Variants in LAMC3 observed in about 807,000 individuals in gnomAD.
The protein encoded by LAMC3 is laminin subunit gamma 3, also known as laminin subunit gamma-3.
In LAMC3, 128 loss-of-function variants were observed where a neutral mutation model predicts 173.8. The observed-to-expected ratio is 0.74, with a 90% CI of 0.64 to 0.85. LAMC3 has a LOEUF of 0.85. Ranked by LOEUF, LAMC3 falls within the 40% of genes least tolerant of loss-of-function variation. The pLI is 0.00. For missense variants in LAMC3, 2,022 were observed against 2,156.0 expected, an observed-to-expected ratio of 0.94 and a Z score of 1.23; for synonymous variants, 897 against 909.1, an observed-to-expected ratio of 0.99 and a Z score of 0.24.
In LAMC3 at chr9:131,080,227, C is replaced by T. The variant is rs183361579; in HGVS notation, c.3927+929C>T. The T allele has an allele frequency of 6.2e-3, 928 of 150,868 alleles. 8 individuals are homozygous for T. Among genetic ancestry groups the T allele is most frequent in the Non-Finnish European group, 0.01 (690 of 67,888 alleles). 9.3% of individuals were successfully genotyped at this position (150,868 alleles called of 1,614,324 possible). A position where few individuals can be genotyped will look rare whatever the true frequency, so the allele number is the denominator to read the frequency against. ...CTGGCCTTAAGTGATCCACCTGCCT[C>T]GGCCTCTCAACATGCTAGGATTATA... On this transcript the variant is annotated intron_variant, in intron 23 of 27. Coordinates refer to ENST00000361069, the MANE Select transcript of LAMC3 (RefSeq NM_006059.4).
rs74801489 is a variant in LAMC3 at position 131,087,519 on chromosome 9, G to A, written c.4274G>A (p.Arg1425His). ...LLRERKQAHR[R>H]ASRLTSQTQA... Reference sequence around the variant, plus strand: ...AGGGAGCGGAAACAGGCGCACCGCCGTGCCAGCAGGCTCACCAGCCAGACG... The same window carrying A: ...AGGGAGCGGAAACAGGCGCACCGCCATGCCAGCAGGCTCACCAGCCAGACG... The change falls in exon 26 of 28, where the codon CGT becomes CAT. Residue 1425 changes from arginine to histidine, a missense_variant. Transcript: ENST00000361069. The A allele has an allele frequency of 1.9e-5, 31 of 1,613,688 alleles. No individual in the cohort carries two copies. The highest frequency in any genetic ancestry group is 4.5e-5 in the East Asian group (2 of 44,898).
In LAMC3 at chr9:131,009,332, G is replaced by A; in HGVS notation, c.118G>A (p.Glu40Lys). ...GRPQRCLPVFENAAFGRLAQA... is the reference protein window; with the variant it reads ...GRPQRCLPVFKNAAFGRLAQA... ...CCCGCAGCGCTGCCTGCCGGTGTTC[G>A]AGAACGCGGCGTTTGGGCGGCTCGC... is the stretch of plus-strand genomic sequence containing the variant. Residue 40 changes from glutamate to lysine, a missense_variant, in exon 1 of 28, where the codon GAG (glutamate) becomes AAG (lysine). Physicochemically the swap from Glu to Lys is moderately conservative, Grantham distance 56. Coordinates refer to ENST00000361069, the MANE Select transcript of LAMC3 (RefSeq NM_006059.4). This position sits in a 1 kb window ranked among gnomAD's most constrained non-coding sequence, Gnocchi z 4.3. 6.7e-7 allele frequency: 1 copy of A among 1,487,776 alleles called. No homozygotes were observed. Among genetic ancestry groups the A allele is most frequent in the South Asian group, 1.3e-5 (1 of 78,730 alleles). The allele number at this position is 1,487,776 out of a possible 1,614,324, so 92.2% of individuals were successfully genotyped here. A position where few individuals can be genotyped will look rare whatever the true frequency, so the allele number is the denominator to read the frequency against.
intron 1 of LAMC3, among the ~76,000 whole-genome samples, chr9:131,025,020 G>A (rs1833692004): frequency 1.3e-5 from 2 of 152,110 alleles, no homozygotes; most frequent in Non-Finnish European, 1.5e-5. Flanking sequence ...TGGCATTTCA[G>A]GCAGTGGGGA....
intron 1 of LAMC3, among the ~76,000 whole-genome samples, chr9:131,015,604 C>T (rs563487016): frequency 6.6e-6 from 1 of 152,274 alleles, no homozygotes; most frequent in South Asian, 2.1e-4. Context: ...ATGCAAGGGC[C>T]CCCGTGTGCA....
At chr9:131,048,510 G>A (rs943539828) in intron 8 of LAMC3, among the ~76,000 whole-genome samples, 2 of 152,106 alleles carry the variant, frequency 1.3e-5, no homozygotes, top group Admixed American at 1.3e-4. Context: ...CCCTGGAGAG[G>A]CACCTCCTTA....
chr9:131,084,916 G>A (rs997234756), intron 24 of LAMC3, among the ~76,000 whole-genome samples: 6 of 150,112 alleles, frequency 4.0e-5, no homozygotes, highest in African/African-American at 1.5e-4. Context: ...TCCAGCCTGG[G>A]TGACAGAGCG....
chr9:131,091,949 C>T lies in LAMC3; in HGVS notation c.*162C>T. 1.2e-6 allele frequency: 1 copy of T among 846,168 alleles called. No individual in the cohort carries two copies. Among genetic ancestry groups the T allele is most frequent in the Non-Finnish European group, 1.8e-6 (1 of 544,182 alleles). The allele number at this position is 846,168 out of a possible 1,614,324, so 52.4% of individuals were successfully genotyped here. ...CACTCCCTGCCGATTCTGTCTGTGG[C>T]TTCTTCCCTGCCAGCAGGACTGAGT... On this transcript the variant is annotated 3_prime_UTR_variant, in exon 28 of 28. Coordinates refer to ENST00000361069, the MANE Select transcript of LAMC3 (RefSeq NM_006059.4).
chr9:131,082,533 A>G (rs1830260386), intron 24 of LAMC3, among the ~76,000 whole-genome samples: 1 of 152,188 alleles, frequency 6.6e-6, no homozygotes, highest in African/African-American at 2.4e-5. Context: ...AGTTGGGGCT[A>G]TGGGAAGCAG....
intron 2 of LAMC3, among the ~76,000 whole-genome samples, chr9:131,027,452 C>T (rs185854131): frequency 7.6e-4 from 116 of 152,278 alleles, no homozygotes; most frequent in African/African-American, 2.7e-3. Context: ...AGTCATAGAG[C>T]CCTGGGTCCC....
intron 9 of LAMC3, among the ~76,000 whole-genome samples, chr9:131,051,066 CTG>C (rs60959733): frequency 0.02 from 3,054 of 152,280 alleles, 113 homozygotes; most frequent in African/African-American, 0.07. Context: ...AGGAAACGCT[CTG>C]GGGCAGAGGG....
At chr9:131,075,139 A>T (rs908734755) in intron 20 of LAMC3, among the ~76,000 whole-genome samples, 7 of 152,074 alleles carry the variant, frequency 4.6e-5, no homozygotes, top group African/African-American at 1.7e-4. Context: ...ATGGTGGCAC[A>T]CACCTGTAGT....
At chr9:131,028,209 G>T in intron 2 of LAMC3, among the ~76,000 whole-genome samples, 1 of 152,190 alleles carries the variant, frequency 6.6e-6, no homozygotes, top group South Asian at 2.1e-4. Flanking sequence ...AGAATCTAGT[G>T]CCTGATGGTC....
Position 131,026,075 on chromosome 9 carries a change from G to C in LAMC3, c.374-210G>C, listed in dbSNP as rs564514570. Among the ~76,000 whole-genome samples, 1 of 152,332 alleles carries C rather than the reference G, an allele frequency of 6.6e-6. No homozygotes were observed. The highest frequency in any genetic ancestry group is 6.5e-5 in the Admixed American group (1 of 15,308). ...GGCGAGTTGACCCAGAAGAGGGACAGCAAATACTTGGGAAGCATGTGGGCA... is the reference window on the plus strand; with the variant it reads ...GGCGAGTTGACCCAGAAGAGGGACACCAAATACTTGGGAAGCATGTGGGCA... On this transcript the variant is annotated intron_variant, in intron 1 of 27. Transcript: ENST00000361069. This position sits in a 1 kb window ranked among gnomAD's most constrained non-coding sequence, Gnocchi z 4.8.
intron 27 of LAMC3, among the ~76,000 whole-genome samples, chr9:131,089,777 C>T (rs1051847766): frequency 2.0e-5 from 3 of 151,988 alleles, no homozygotes; most frequent in Admixed American, 6.6e-5. Flanking sequence ...AATTTTCATT[C>T]GTAGTAAGAG....
rs1195035561 is a variant in LAMC3, at chr9:131,060,981, C to G, written c.2159-54C>G. The G allele has an allele frequency of 2.5e-6, 4 of 1,586,076 alleles. No individual in the cohort carries two copies. The Admixed American group carries it at 6.7e-5, about 26-fold the overall frequency. Reference sequence around the variant, plus strand: ...TCCCTAACCTCTCCCACCGGGATGCCCACCATCTCTGGGCATTCTGGGTTC... The same window carrying G: ...TCCCTAACCTCTCCCACCGGGATGCGCACCATCTCTGGGCATTCTGGGTTC... On this transcript the variant is annotated intron_variant, in intron 12 of 27. Transcript: ENST00000361069.
intron 17 of LAMC3, among the ~76,000 whole-genome samples, chr9:131,070,430 A>G (rs536436681): frequency 8.5e-4 from 129 of 152,324 alleles, no homozygotes; most frequent in African/African-American, 3.0e-3. Flanking sequence ...CATACACTGA[A>G]GGCCGGGTGC....
chr9:131,082,870 CTCCCTCCCCA>C (rs1830264770), intron 24 of LAMC3, among the ~76,000 whole-genome samples: 13 of 152,162 alleles, frequency 8.5e-5, no homozygotes, highest in Admixed American at 8.5e-4. Context: ...GTTCTGTGGC[CTCCCTCCCCA>C]GCCCTGCCCA....
intron 4 of LAMC3, among the ~76,000 whole-genome samples, 171 bp downstream of exon 4, chr9:131,036,503 A>AG (rs1235956267): frequency 2.0e-5 from 3 of 151,796 alleles, no homozygotes; most frequent in Non-Finnish European, 2.9e-5. Flanking sequence ...GAGCCTGGGG[A>AG]GGGGGTGCAT....
At chr9:131,055,679 C>T (rs1834390893) in intron 11 of LAMC3, among the ~76,000 whole-genome samples, 2 of 151,866 alleles carry the variant, frequency 1.3e-5, no homozygotes, top group South Asian at 4.2e-4. Context: ...CCCGCCTCAG[C>T]CTCCCAAAGT....
Sources: gnomAD v4.1 joint callset for allele counts (sites outside exome capture counted in the v4.1 genomes callset) on GRCh38, gnomAD v4.1.1 for gene constraint, Gnocchi (gnomAD v3.1) non-coding constraint, MANE v1.5 for transcripts, NCBI Gene and HGNC (gene_info 2026-07-23, HGNC 2026-07-21) for gene names.